PRRC2C: variants seen among roughly 807,000 people sequenced by gnomAD.
PRRC2C encodes the protein proline rich coiled-coil 2C.
In PRRC2C, 72 loss-of-function variants were observed where a neutral mutation model predicts 317.2. The observed-to-expected ratio is 0.23, with a 90% confidence interval of 0.19 to 0.28. The LOEUF (loss-of-function observed/expected upper bound fraction) is 0.28, where lower values mean the gene tolerates loss of function less well. PRRC2C is among the 10% of genes least tolerant of loss of function. PRRC2C has a pLI of 1.00. For missense variants in PRRC2C, 3,074 were observed against 3,459.7 expected, an observed-to-expected ratio of 0.89 and a Z score of 2.80; for synonymous variants, 1,296 against 1,205.9, an observed-to-expected ratio of 1.07 and a Z score of -1.55.
Position 171,541,171 on chromosome 1 carries a change from A to C in PRRC2C, c.3705A>C (p.Ser1235=). 2 of 1,613,036 alleles carry C rather than the reference A, an allele frequency of 1.2e-6. No homozygotes were observed. Among genetic ancestry groups the C allele is most frequent in the South Asian group, 1.1e-5 (1 of 90,900 alleles). The stretch of plus-strand genomic sequence containing the variant: ...AGCCAAGAGCAGAGCATATACCCTC[A>C]GGGCCTCTCAGACAGCGAGAAGAAA... ...DNKPRAEHIP[S]GPLRQREESE... Residue 1235 remains serine (S), a synonymous_variant, in exon 16 of 35, where the codon TCA becomes TCC. Coordinates refer to ENST00000647382, the MANE Select transcript of PRRC2C (RefSeq NM_001387844.1). The surrounding 1 kb of genome is among the most constrained non-coding windows in gnomAD (Gnocchi z 4.1).
At chr1:171,496,199 CTTTTTTTTTTTT>C (rs528654548) in intron 1 of PRRC2C, among the ~76,000 whole-genome samples, 2 of 75,658 alleles carry the variant, frequency 2.6e-5, no homozygotes, top group South Asian at 5.8e-4. Context: ...ATTTTTGTGC[CTTTTTTTTTTTT>C]TTTTTTTTTT....
At chr1:171,557,210 G>T in intron 18 of PRRC2C, 30 bp from the exon 19 acceptor site, 1 of 1,513,968 alleles carries the variant, frequency 6.6e-7, no homozygotes, top group South Asian at 1.3e-5. Flanking sequence ...CTGCATTATT[G>T]ACAAAAATGG....
At chr1:171,565,532 C>A (rs1683486631) in intron 20 of PRRC2C, among the ~76,000 whole-genome samples, 1 of 152,186 alleles carries the variant, frequency 6.6e-6, no homozygotes, top group South Asian at 2.1e-4. Context: ...ACTGCAACGT[C>A]CACCTCCCGG....
In PRRC2C at chr1:171,537,390, G is replaced by A. The variant is rs1287640624; in HGVS notation, c.2421G>A (p.Met807Ile). ...DHAISLSEPR[M>I]LWGSDPYPHA... is the part of the protein sequence containing the mutation. Reference sequence around the variant, plus strand: ...CAATTTCCCTTTCTGAGCCTCGTATGCTGTGGGGGTCAGATCCCTATCCTC... The same window carrying A: ...CAATTTCCCTTTCTGAGCCTCGTATACTGTGGGGGTCAGATCCCTATCCTC... Residue 807 changes from methionine (M) to isoleucine (I), a missense_variant, in exon 15 of 35, where the codon ATG becomes ATA. Met to Ile is a conservative substitution (Grantham distance 10). This residue lies in a region of PRRC2C where 1,320 missense variants were observed against 1,395.7 expected (regional missense o/e 0.95). Coordinates refer to ENST00000647382, the MANE Select transcript of PRRC2C (RefSeq NM_001387844.1). The A allele has an allele frequency of 2.5e-6, 4 of 1,588,406 alleles. No homozygotes were observed. Among genetic ancestry groups the A allele is most frequent in the Non-Finnish European group, 3.4e-6 (4 of 1,166,670 alleles).
chr1:171,584,569 T>G, intron 30 of PRRC2C, 43 bp downstream of exon 30: 1 of 1,508,006 alleles, frequency 6.6e-7, no homozygotes, highest in African/African-American at 1.4e-5. Context: ...TCTTTATTAT[T>G]ATTTTTATTG....
chr1:171,585,222 A>G (rs2102865424), intron 30 of PRRC2C, among the ~76,000 whole-genome samples: 1 of 152,346 alleles, frequency 6.6e-6, no homozygotes, highest in Non-Finnish European at 1.5e-5. Context: ...TAAGTGTGAT[A>G]CAGGTGGTTT....
intron 1 of PRRC2C, among the ~76,000 whole-genome samples, chr1:171,490,614 A>G (rs1666966038): frequency 6.6e-6 from 1 of 152,224 alleles, no homozygotes; most frequent in African/African-American, 2.4e-5. Flanking sequence ...AAGACAAAAT[A>G]AGAAGGAAGT....
intron 26 of PRRC2C, among the ~76,000 whole-genome samples, chr1:171,578,095 C>T (rs1370746172): frequency 6.6e-6 from 1 of 151,564 alleles, no homozygotes; most frequent in Non-Finnish European, 1.5e-5. Context: ...CTCACCCAGC[C>T]TAAATTGGCA....
rs1335345174 is a variant in PRRC2C, at chr1:171,532,675, A to C, written c.1587A>C (p.Arg529=). 4 of 1,551,584 alleles carry C rather than the reference A, an allele frequency of 2.6e-6. No individual in the cohort carries two copies. Among genetic ancestry groups the C allele is most frequent in the Non-Finnish European group, 3.5e-6 (4 of 1,147,050 alleles). The change falls in exon 12 of 35, where the codon CGA becomes CGC. Residue 529 remains arginine, a synonymous_variant. Transcript: ENST00000647382. ...KELEKEQEQE[R]EKEREKDRER... is the part of the protein sequence containing the mutation. ...TTGAAAAAGAACAAGAACAGGAGCGAGAGAAGGAGAGGGAAAAAGACAGAG... is the reference window on the plus strand; with the variant it reads ...TTGAAAAAGAACAAGAACAGGAGCGCGAGAAGGAGAGGGAAAAAGACAGAG...
chr1:171,586,266 T>A (rs1453334360), intron 30 of PRRC2C, among the ~76,000 whole-genome samples: 2 of 150,466 alleles, frequency 1.3e-5, no homozygotes, highest in African/African-American at 4.9e-5. Flanking sequence ...TTTATTTTTT[T>A]TTTTAGTAGA....
At chr1:171,530,208 T>C (rs186049414) in intron 11 of PRRC2C, among the ~76,000 whole-genome samples, 2 of 151,336 alleles carry the variant, frequency 1.3e-5, no homozygotes, top group East Asian at 1.9e-4. Context: ...GAAAAAAATA[T>C]TCCTAATACA....
intron 1 of PRRC2C, among the ~76,000 whole-genome samples, chr1:171,493,985 G>T (rs983279289): frequency 3.3e-5 from 5 of 152,168 alleles, no homozygotes; most frequent in Admixed American, 3.3e-4. Context: ...GCCCACCCAG[G>T]TGAGGAAGTA....
At position 171,592,155 on chromosome 1, in the gene PRRC2C, T is replaced by A; in HGVS notation, c.*308T>A. 1 of 250,950 alleles carries A rather than the reference T, an allele frequency of 4.0e-6. No individual in the cohort carries two copies. The highest frequency in any genetic ancestry group is 1.3e-4 in the South Asian group (1 of 7,864). The allele number at this position is 250,950 out of a possible 1,614,324, so 15.5% of individuals were successfully genotyped here. Reference sequence around the variant, plus strand: ...AGTGCATATAATTTAGACCTAAAAATCCTTATGATTAGATGAAACACCAAA... The same window carrying A: ...AGTGCATATAATTTAGACCTAAAAAACCTTATGATTAGATGAAACACCAAA... On this transcript the variant is annotated 3_prime_UTR_variant, in exon 35 of 35. Coordinates refer to ENST00000647382, the MANE Select transcript of PRRC2C (RefSeq NM_001387844.1).
intron 25 of PRRC2C, among the ~76,000 whole-genome samples, chr1:171,576,432 T>TCTCA (rs1296562755): frequency 6.6e-6 from 1 of 152,176 alleles, no homozygotes; most frequent in Non-Finnish European, 1.5e-5. Context: ...TTTGGTCCAC[T>TCTCA]CTCAGGTGGA....
chr1:171,581,738 TTATAAG>T (rs1464730962), intron 28 of PRRC2C, among the ~76,000 whole-genome samples: 1 of 152,226 alleles, frequency 6.6e-6, no homozygotes, highest in East Asian at 1.9e-4. Context: ...GAAACATAAA[TTATAAG>T]TAGGTATTGT....
At chr1:171,582,796 G>A (rs1350255641) in intron 28 of PRRC2C, among the ~76,000 whole-genome samples, 2 of 150,878 alleles carry the variant, frequency 1.3e-5, no homozygotes, top group Admixed American at 6.6e-5. Flanking sequence ...AGTGAGTGGC[G>A]AGTGATATTA....
At chr1:171,492,385 G>C (rs1388339206) in intron 1 of PRRC2C, among the ~76,000 whole-genome samples, 1 of 152,174 alleles carries the variant, frequency 6.6e-6, no homozygotes, top group Non-Finnish European at 1.5e-5. Context: ...TAGAAAGAAT[G>C]AAAGTAGGAG....
rs753391209 is a variant in PRRC2C at position 171,587,711 on chromosome 1, A to G, written c.8032A>G (p.Ile2678Val). The change falls in exon 32 of 35, where the codon ATC (isoleucine) becomes GTC (valine). Residue 2678 changes from isoleucine (I) to valine (V), a missense_variant. Physicochemically the swap from Ile to Val is conservative, Grantham distance 29. This residue lies in a region of PRRC2C where 490 missense variants were observed against 663.1 expected (regional missense o/e 0.74). Coordinates refer to ENST00000647382, the MANE Select transcript of PRRC2C (RefSeq NM_001387844.1). The part of the protein sequence containing the change: ...GIDIKPGTPP[I>V]AGRSTTPTSS... ...TGATATAAAACCAGGCACACCTCCA[A>G]TCGCTGGTAGAAGCACCACACCAAC... The G allele has an allele frequency of 1.2e-5, 19 of 1,613,442 alleles. No individual in the cohort carries two copies. The highest frequency in any genetic ancestry group is 1.7e-5 in the Admixed American group (1 of 59,992).
At chr1:171,503,245 C>T (rs942154762) in intron 1 of PRRC2C, among the ~76,000 whole-genome samples, 6 of 151,930 alleles carry the variant, frequency 3.9e-5, no homozygotes, top group East Asian at 1.9e-4. Context: ...GTTTGTAGGC[C>T]GGGTGTGGTG....
Sources: allele counts gnomAD v4.1 joint callset (sites outside exome capture counted in the v4.1 genomes callset), GRCh38; gene constraint gnomAD v4.1.1; regional missense constraint gnomAD v4.1.1; non-coding constraint Gnocchi (gnomAD v3.1); transcripts MANE v1.5; gene names NCBI Gene and HGNC (gene_info 2026-07-23, HGNC 2026-07-21).